DPYSL2: variants seen among roughly 807,000 people sequenced by gnomAD.
The protein encoded by DPYSL2 is dihydropyrimidinase-related protein 2.
DPYSL2 carries 13 observed loss-of-function variants against 69.9 expected under a neutral mutation model. The ratio of observed to expected loss-of-function variants is 0.19; its 90% confidence interval spans 0.12 to 0.30. The LOEUF is 0.30. Among genes scored for constraint, DPYSL2 ranks in the 10% least tolerant of loss-of-function variants. DPYSL2 has a pLI of 1.00. For synonymous variants in DPYSL2, 326 were observed against 359.1 expected, an observed-to-expected ratio of 0.91 and a Z score of 1.04; for missense variants, 587 against 918.9, an observed-to-expected ratio of 0.64 and a Z score of 4.67.
chr8:26,643,041 G>A lies in DPYSL2; in HGVS notation c.1127-398G>A. 5.8e-6 allele frequency: 1 copy of A among 171,352 alleles called. No homozygotes were observed. Among genetic ancestry groups the A allele is most frequent in the South Asian group, 1.7e-4 (1 of 5,878 alleles). The allele number at this position is 171,352 out of a possible 1,614,324, so 10.6% of individuals were successfully genotyped here. On this transcript the variant is annotated intron_variant, in intron 8 of 13. Coordinates refer to ENST00000521913, the MANE Select transcript of DPYSL2 (RefSeq NM_001197293.3). This position sits in a 1 kb window ranked among gnomAD's most constrained non-coding sequence, Gnocchi z 6.5. ...GTGAAAAGATTGTGTGAATGAACAGGAAGGTTAAATTTGAGGTGCCATAGG... is the reference window on the plus strand; with the variant it reads ...GTGAAAAGATTGTGTGAATGAACAGAAAGGTTAAATTTGAGGTGCCATAGG...
Position 26,624,175 on chromosome 8 carries a change from C to T in DPYSL2, c.661C>T (p.Leu221=), listed in dbSNP as rs749538285. Residue 221 remains leucine (L), a synonymous_variant, in exon 4 of 14, where the codon CTG becomes TTG. Transcript: ENST00000521913. This position sits in a 1 kb window ranked among gnomAD's most constrained non-coding sequence, Gnocchi z 4.7. ...CGTTGTTCCTGAGCCTGGGACAAGC[C>T]TGCTCGCTGCCTTTGACCAGTGGAG... is the stretch of plus-strand genomic sequence containing the variant. ...DHVVPEPGTS[L]LAAFDQWREW... is the part of the protein sequence containing the mutation. The T allele has an allele frequency of 6.2e-7, 1 of 1,614,212 alleles. No individual in the cohort carries two copies. Among genetic ancestry groups the T allele is most frequent in the South Asian group, 1.1e-5 (1 of 91,084 alleles).
chr8:26,538,356 A>G (rs983139902), intron 1 of DPYSL2, among the ~76,000 whole-genome samples: 1 of 152,202 alleles, frequency 6.6e-6, no homozygotes, highest in Non-Finnish European at 1.5e-5. Flanking sequence ...GTGGAGCATG[A>G]AAACTGAGGA....
rs1801572814 is a variant in DPYSL2 at position 26,585,166 on chromosome 8, T to C, written c.628+1183T>C. Among the ~76,000 whole-genome samples the C allele has an allele frequency of 6.6e-6, 1 of 152,212 alleles. No homozygotes were observed. The highest frequency in any genetic ancestry group is 1.5e-5 in the Non-Finnish European group (1 of 68,038). On this transcript the variant is annotated intron_variant, in intron 3 of 13. Transcript: ENST00000521913. This position sits in a 1 kb window ranked among gnomAD's most constrained non-coding sequence, Gnocchi z 4.0. ...GTGGAGTCTGTCATATATGAAAAGA[T>C]AGCAGTTCAGTTCAGAAGAGGGTCT...
chr8:26,626,768 T>C lies in DPYSL2; in HGVS notation c.855+90T>C. On this transcript the variant is annotated intron_variant, in intron 5 of 13. Coordinates refer to ENST00000521913, the MANE Select transcript of DPYSL2 (RefSeq NM_001197293.3). The surrounding 1 kb of genome is among the most constrained non-coding windows in gnomAD (Gnocchi z 4.3). ...GGGAAAGCAGTCTCCGATGTATGCA[T>C]GTTTCCTAGCTTCCTGGGAAGTGGC... 1 of 1,342,058 alleles carries C rather than the reference T, an allele frequency of 7.5e-7. No individual in the cohort carries two copies. The highest frequency in any genetic ancestry group is 1.2e-5 in the South Asian group (1 of 81,014). 83.1% of individuals were successfully genotyped at this position (1,342,058 alleles called of 1,614,324 possible).
intron 1 of DPYSL2, among the ~76,000 whole-genome samples, chr8:26,568,074 T>G (rs1192497764): frequency 6.6e-6 from 1 of 152,208 alleles, no homozygotes; most frequent in East Asian, 1.9e-4. Context: ...CAAATGAGAC[T>G]GATGGTTACT....
intron 3 of DPYSL2, among the ~76,000 whole-genome samples, chr8:26,612,389 A>C (rs1802251179): frequency 2.0e-5 from 3 of 152,258 alleles, no homozygotes; most frequent in Middle Eastern, 3.2e-3. Flanking sequence ...GAATATGTTC[A>C]TAAGAACATT....
intron 1 of DPYSL2, among the ~76,000 whole-genome samples, chr8:26,575,586 G>A (rs532343472): frequency 2.6e-5 from 4 of 152,204 alleles, no homozygotes; most frequent in African/African-American, 7.2e-5. Context: ...GGATATTTAC[G>A]AGTGGAAACG....
chr8:26,518,519 G>C (rs937108147), intron 1 of DPYSL2, among the ~76,000 whole-genome samples: 3 of 152,168 alleles, frequency 2.0e-5, no homozygotes, highest in African/African-American at 4.8e-5. Context: ...GGTGTTAAGT[G>C]TATTCACATT....
At chr8:26,515,825 T>G (rs745613147) in intron 1 of DPYSL2, among the ~76,000 whole-genome samples, 4 of 152,254 alleles carry the variant, frequency 2.6e-5, no homozygotes, top group Non-Finnish European at 5.9e-5. Context: ...GCGCCTTGCC[T>G]TGTAGGGCAG....
intron 1 of DPYSL2, chr8:26,577,697 C>A (rs573262425): frequency 3.1e-6 from 2 of 638,014 alleles, no homozygotes; most frequent in South Asian, 6.9e-5. Flanking sequence ...CCCACCGCCC[C>A]GGCCCGAAGA....
At chr8:26,604,664 T>A (rs1802069728) in intron 3 of DPYSL2, among the ~76,000 whole-genome samples, 1 of 152,100 alleles carries the variant, frequency 6.6e-6, no homozygotes, top group Non-Finnish European at 1.5e-5. Context: ...TTGCTTTTTT[T>A]TTTTTTGAGA....
intron 1 of DPYSL2, among the ~76,000 whole-genome samples, chr8:26,556,097 T>G (rs1462992661): frequency 9.8e-5 from 4 of 40,654 alleles, no homozygotes; most frequent in African/African-American, 3.1e-4. Flanking sequence ...ACTATATAAA[T>G]TATATATAGT....
chr8:26,615,375 G>C (rs947745262), intron 3 of DPYSL2, among the ~76,000 whole-genome samples: 4 of 152,152 alleles, frequency 2.6e-5, no homozygotes, highest in Admixed American at 2.0e-4. Flanking sequence ...CTAACCAAAG[G>C]TGGCCTGGCC....
chr8:26,550,353 G>A (rs1223029485), intron 1 of DPYSL2, among the ~76,000 whole-genome samples: 2 of 151,694 alleles, frequency 1.3e-5, no homozygotes, highest in Non-Finnish European at 2.9e-5. Context: ...AATGACAGAA[G>A]GCAGAAAAAG....
intron 7 of DPYSL2, among the ~76,000 whole-genome samples, chr8:26,631,891 T>C (rs1484706137): frequency 3.9e-5 from 6 of 152,192 alleles, no homozygotes; most frequent in Non-Finnish European, 5.9e-5. Context: ...ATCTGTTGTG[T>C]GTTAAACCCT....
intron 3 of DPYSL2, among the ~76,000 whole-genome samples, chr8:26,592,159 G>C (rs555293552): frequency 3.3e-5 from 5 of 152,152 alleles, no homozygotes; most frequent in Non-Finnish European, 4.4e-5. Context: ...GGTGCAGAGA[G>C]TTTTATTTAT....
chr8:26,577,408 G>C (rs1267124596), intron 1 of DPYSL2: 1 of 155,026 alleles, frequency 6.5e-6, no homozygotes. Context: ...GAGGGCCCGG[G>C]AGCCCTCCCG....
chr8:26,582,696 C>A lies in DPYSL2; in HGVS notation c.443+639C>A, dbSNP rs939955328. On this transcript the variant is annotated intron_variant, in intron 2 of 13. Coordinates refer to ENST00000521913, the MANE Select transcript of DPYSL2 (RefSeq NM_001197293.3). The surrounding 1 kb of genome is among the most constrained non-coding windows in gnomAD (Gnocchi z 4.1). ...GCCAGAGGGTTAAGGAAGCTGAGTT[C>A]ATCCCAGTATCTGCCTGCCCTTTCT... Among the ~76,000 whole-genome samples the A allele has an allele frequency of 1.3e-5, 2 of 152,208 alleles. No homozygotes were observed. The highest frequency in any genetic ancestry group is 2.9e-5 in the Non-Finnish European group (2 of 68,036).
chr8:26,593,430 G>A lies in DPYSL2; in HGVS notation c.628+9447G>A, dbSNP rs1801786332. ...AGTTGGACTTCTGTTGAAACCGAAT[G>A]AATGTCTGCCAAGATTTTCCGAAAC... On this transcript the variant is annotated intron_variant, in intron 3 of 13. Transcript: ENST00000521913. The surrounding 1 kb of genome is among the most constrained non-coding windows in gnomAD (Gnocchi z 5.7). Among the ~76,000 whole-genome samples, 1 of 152,162 alleles carries A rather than the reference G, an allele frequency of 6.6e-6. No homozygotes were observed. The highest frequency in any genetic ancestry group is 2.4e-5 in the African/African-American group (1 of 41,438).
Sources: gnomAD v4.1 joint callset for allele counts (sites outside exome capture counted in the v4.1 genomes callset) on GRCh38, gnomAD v4.1.1 for gene constraint, Gnocchi (gnomAD v3.1) non-coding constraint, MANE v1.5 for transcripts, NCBI Gene and HGNC (gene_info 2026-07-23, HGNC 2026-07-21) for gene names.